SLC30A10: variants seen among roughly 807,000 people sequenced by gnomAD.
SLC30A10 encodes the protein calcium/manganese antiporter SLC30A10.
SLC30A10 carries 8 observed loss-of-function variants against 21.7 expected under a neutral mutation model. The observed-to-expected ratio is 0.37, with a 90% CI of 0.22 to 0.67. The LOEUF (loss-of-function observed/expected upper bound fraction) is 0.67, where lower values mean the gene tolerates loss of function less well. Among genes scored for constraint, SLC30A10 ranks in the 30% least tolerant of loss-of-function variants. The probability of loss-of-function intolerance (pLI) is 0.58; values close to 1 mark genes in which losing one functional copy is unlikely to be tolerated. For missense variants in SLC30A10, 521 were observed against 642.5 expected, an observed-to-expected ratio of 0.81 and a Z score of 2.04; for synonymous variants, 272 against 279.4, an observed-to-expected ratio of 0.97 and a Z score of 0.26.
At chr1:219,934,474 A>G (rs567871907) in intron 1 of SLC30A10, among the ~76,000 whole-genome samples, 1 of 152,170 alleles carries the variant, frequency 6.6e-6, no homozygotes, top group Non-Finnish European at 1.5e-5. Context: ...AAAAAAAAAA[A>G]AGAAGAAAAG....
At chr1:219,936,932 C>A (rs1313246677) in intron 1 of SLC30A10, among the ~76,000 whole-genome samples, 3 of 152,156 alleles carry the variant, frequency 2.0e-5, no homozygotes, top group Non-Finnish European at 4.4e-5. Flanking sequence ...TGATTTGATG[C>A]TCACCAACAG....
At chr1:219,949,218 A>G (rs1440014102) in intron 1 of SLC30A10, among the ~76,000 whole-genome samples, 1 of 152,200 alleles carries the variant, frequency 6.6e-6, no homozygotes, top group Non-Finnish European at 1.5e-5. Flanking sequence ...AGGGATCTAG[A>G]ACTAGAAATA....
At chr1:219,921,658 A>G (rs1454066304) in intron 2 of SLC30A10, among the ~76,000 whole-genome samples, 1 of 137,614 alleles carries the variant, frequency 7.3e-6, no homozygotes, top group African/African-American at 2.8e-5. Flanking sequence ...TATCTATTCT[A>G]TTTCATTCAA....
intron 2 of SLC30A10, among the ~76,000 whole-genome samples, chr1:219,921,542 T>C (rs138035972): frequency 4.7e-4 from 71 of 152,302 alleles, no homozygotes; most frequent in African/African-American, 1.6e-3. Flanking sequence ...GTTTTTCCCA[T>C]AATCCACAGT....
rs1050601722 is a variant in SLC30A10, at chr1:219,927,922, C to T, written c.519G>A (p.Ala173=). The T allele has an allele frequency of 1.3e-6, 2 of 1,538,284 alleles. No homozygotes were observed. The highest frequency in any genetic ancestry group is 1.8e-6 in the Non-Finnish European group (2 of 1,142,208). The change falls in exon 1 of 4, where the codon GCG becomes GCA. Residue 173 remains alanine (A), a synonymous_variant. Coordinates refer to ENST00000366926, the MANE Select transcript of SLC30A10 (RefSeq NM_018713.3). ...VPGAFGGPQG[A]EDPRRAADPT... ...GGTCCGCCGCGCGCCGCGGGTCCTC[C>T]GCGCCCTGAGGCCCCCCGAAAGCGC...
intron 1 of SLC30A10, among the ~76,000 whole-genome samples, chr1:219,955,107 T>G (rs551026467): frequency 1.3e-5 from 2 of 152,298 alleles, no homozygotes; most frequent in South Asian, 4.1e-4. Context: ...AAGGAGTCCC[T>G]AAGCCTAGAG....
At chr1:219,953,612 A>G (rs993597405) in intron 1 of SLC30A10, among the ~76,000 whole-genome samples, 1 of 151,884 alleles carries the variant, frequency 6.6e-6, no homozygotes, top group African/African-American at 2.4e-5. Context: ...CAAAAAAAAA[A>G]GAAAAAGAAA....
At chr1:219,926,512 C>A (rs988648346) in intron 2 of SLC30A10, among the ~76,000 whole-genome samples, 6 of 152,176 alleles carry the variant, frequency 3.9e-5, no homozygotes, top group Admixed American at 6.5e-5. Flanking sequence ...TAGCTAGGTG[C>A]TTGCCTTGGG....
rs762910132 is a variant in SLC30A10 at position 219,927,858 on chromosome 1, C to T, written c.583G>A (p.Gly195Arg). The change falls in exon 1 of 4, where the codon GGG becomes AGG. Residue 195 changes from glycine to arginine, a missense_variant. Physicochemically the swap from Gly to Arg is moderately radical, Grantham distance 125. Transcript: ENST00000366926. ...PGSDSAVTLR[G>R]TSVERKREKG... ...TCCCGCTTCCTTTCCACCGAGGTCC[C>T]CCGGAGGGTTACGGCCGAGTCCGAG... The T allele has an allele frequency of 2.6e-6, 4 of 1,547,018 alleles. No homozygotes were observed. Among genetic ancestry groups the T allele is most frequent in the Non-Finnish European group, 3.5e-6 (4 of 1,146,650 alleles).
At chr1:219,932,651 C>T (rs1275567076), upstream of SLC30A10, among the ~76,000 whole-genome samples, 1 of 147,598 alleles carries the variant, frequency 6.8e-6, no homozygotes, top group Non-Finnish European at 1.5e-5. Flanking sequence ...ATTGGGCCTC[C>T]AAGTTTTTTT....
In SLC30A10 at chr1:219,958,345, T is replaced by G. The variant is rs149837859; in HGVS notation, n.80+223A>C. Among the ~76,000 whole-genome samples the G allele has an allele frequency of 2.3e-3, 349 of 152,234 alleles. 2 individuals carry two copies. The highest frequency in any genetic ancestry group is 7.4e-3 in the African/African-American group (308 of 41,536). On this transcript the variant is annotated intron_variant and non_coding_transcript_variant, in intron 1 of 8. Coordinates refer to the SLC30A10 transcript ENST00000484239. ...CTTTTTCATTCCCTGTGAGTAAAAA[T>G]TCGAGAAGTCCTCCCAACATTGAAG...
intron 2 of SLC30A10, among the ~76,000 whole-genome samples, chr1:219,925,053 G>C (rs185883483): frequency 2.3e-4 from 35 of 152,270 alleles, no homozygotes; most frequent in African/African-American, 8.4e-4. Flanking sequence ...CAAAGGCCCA[G>C]CCAGGTATAG....
At chr1:219,920,955 T>G (rs1379647528) in intron 2 of SLC30A10, among the ~76,000 whole-genome samples, 3 of 152,182 alleles carry the variant, frequency 2.0e-5, no homozygotes, top group Admixed American at 6.5e-5. Context: ...CCTCTTACCT[T>G]TTTCATACAA....
chr1:219,923,509 ATCTT>A (rs1206792922), intron 2 of SLC30A10, among the ~76,000 whole-genome samples: 8 of 152,158 alleles, frequency 5.3e-5, no homozygotes, highest in Admixed American at 5.2e-4. Context: ...AAAAACTGAG[ATCTT>A]TCTTATTGGA....
chr1:219,957,909 A>C (rs1447318661), intron 1 of SLC30A10, among the ~76,000 whole-genome samples: 1 of 152,196 alleles, frequency 6.6e-6, no homozygotes, highest in Non-Finnish European at 1.5e-5. Flanking sequence ...ACTCACACTT[A>C]AGTCTCTCCT....
intron 1 of SLC30A10, among the ~76,000 whole-genome samples, chr1:219,954,125 T>A (rs1441205101): frequency 6.6e-6 from 1 of 152,106 alleles, no homozygotes; most frequent in Admixed American, 6.5e-5. Context: ...ATTTCCTCTA[T>A]GACAAAAGGA....
intron 1 of SLC30A10, among the ~76,000 whole-genome samples, chr1:219,944,292 C>T (rs1303273406): frequency 6.8e-5 from 10 of 146,406 alleles, no homozygotes; most frequent in East Asian, 6.2e-4. Flanking sequence ...CTAAAAAATA[C>T]AAAAAATTAG....
upstream of SLC30A10, among the ~76,000 whole-genome samples, chr1:219,931,692 GCTGGTCTCGAACTC>G (rs1435236302): frequency 3.9e-5 from 6 of 152,280 alleles, no homozygotes; most frequent in African/African-American, 9.6e-5. Flanking sequence ...CGTTGGCCAA[GCTGGTCTCGAACTC>G]CTGGCCTCAA....
chr1:219,953,867 C>T (rs965037630), intron 1 of SLC30A10, among the ~76,000 whole-genome samples: 8 of 151,592 alleles, frequency 5.3e-5, no homozygotes, highest in South Asian at 2.1e-4. Flanking sequence ...CCACCACGCC[C>T]GGCTAATTTT....
Sources: gnomAD v4.1 joint callset for allele counts (sites outside exome capture counted in the v4.1 genomes callset) on GRCh38, gnomAD v4.1.1 for gene constraint, MANE v1.5 for transcripts, NCBI Gene and HGNC (gene_info 2026-07-23, HGNC 2026-07-21) for gene names.